Variants in TMTC4 observed in about 807,000 individuals in gnomAD.
TMTC4 encodes protein O-mannosyl-transferase TMTC4.
In TMTC4, 65 loss-of-function variants were observed where a neutral mutation model predicts 86.0. That is an observed-to-expected ratio of 0.76 (90% CI 0.62 to 0.93). The LOEUF (loss-of-function observed/expected upper bound fraction) is 0.93, where lower values mean the gene tolerates loss of function less well. Ranked by LOEUF, TMTC4 falls within the 40% of genes least tolerant of loss-of-function variation. TMTC4 has a pLI of 0.00. For missense variants in TMTC4, 866 were observed against 948.1 expected, an observed-to-expected ratio of 0.91 and a Z score of 1.14; for synonymous variants, 379 against 382.5, an observed-to-expected ratio of 0.99 and a Z score of 0.11.
intron 6 of TMTC4, among the ~76,000 whole-genome samples, chr13:100,652,308 G>A (rs1284327798): frequency 3.3e-5 from 5 of 152,014 alleles, no homozygotes; most frequent in South Asian, 4.2e-4. Flanking sequence ...GCGAAACCCC[G>A]TCTCTACTAA....
rs375255380 is a variant in TMTC4 at position 100,626,028 on chromosome 13, C to T, written c.1586+43G>A. 2.9e-4 allele frequency: 464 copies of T among 1,610,648 alleles called. 1 individual carries two copies. The highest frequency in any genetic ancestry group is 1.3e-3 in the Middle Eastern group (8 of 6,072). On this transcript the variant is annotated intron_variant, in intron 13 of 18. Transcript: ENST00000342624. ...GGTGTTTCATATTAGAAAGTGAAAA[C>T]GATCTGTGTACATAATTCTTCTGTA...
intron 18 of TMTC4, 131 bp downstream of exon 18, chr13:100,606,227 T>C: frequency 1.3e-6 from 1 of 788,332 alleles, no homozygotes; most frequent in Non-Finnish European, 2.1e-6. Flanking sequence ...TTTAATGCAA[T>C]AACAGAACCA....
At chr13:100,654,645 G>C (rs527701135) in intron 6 of TMTC4, among the ~76,000 whole-genome samples, 5 of 151,896 alleles carry the variant, frequency 3.3e-5, no homozygotes, top group South Asian at 2.1e-4. Flanking sequence ...AGAGTAAAAG[G>C]TTCCAGAAAA....
At chr13:100,643,145 T>C (rs1449267583) in intron 6 of TMTC4, among the ~76,000 whole-genome samples, 1 of 152,136 alleles carries the variant, frequency 6.6e-6, no homozygotes, top group Non-Finnish European at 1.5e-5. Flanking sequence ...AGAGGGAAGC[T>C]GCATGGATAC....
intron 6 of TMTC4, among the ~76,000 whole-genome samples, chr13:100,652,345 G>C (rs1328025684): frequency 6.6e-6 from 1 of 151,518 alleles, no homozygotes; most frequent in African/African-American, 2.4e-5. Flanking sequence ...TGGGCGTGGT[G>C]GTGGGTGACT....
At chr13:100,636,803 C>T in intron 9 of TMTC4, 69 bp from the exon 10 acceptor site, 1 of 1,537,060 alleles carries the variant, frequency 6.5e-7, no homozygotes, top group Non-Finnish European at 8.9e-7. Flanking sequence ...TACGCACTAA[C>T]TTCACTTTGG....
At chr13:100,642,083 T>A (rs1175294408) in intron 7 of TMTC4, 128 bp downstream of exon 7, 7 of 881,178 alleles carry the variant, frequency 7.9e-6, no homozygotes, top group Admixed American at 2.6e-5. Context: ...GAAAGGTCTA[T>A]CACCTCAGGC....
At chr13:100,606,769 C>T (rs1282384381) in intron 17 of TMTC4, among the ~76,000 whole-genome samples, 1 of 152,130 alleles carries the variant, frequency 6.6e-6, no homozygotes, top group Non-Finnish European at 1.5e-5. Flanking sequence ...AAGGCTGAGC[C>T]GTGGAGCATA....
intron 3 of TMTC4, among the ~76,000 whole-genome samples, chr13:100,666,402 G>C (rs1171266643): frequency 6.6e-6 from 1 of 152,176 alleles, no homozygotes; most frequent in African/African-American, 2.4e-5. Flanking sequence ...ACAGTGTGAT[G>C]CTCCCAAAAA....
rs189356652 is a variant in TMTC4 at position 100,609,653 on chromosome 13, A to T, written c.2064+2745T>A. Among the ~76,000 whole-genome samples, 171 of 149,114 alleles carry T rather than the reference A, an allele frequency of 1.1e-3. 1 individual carries two copies. The highest frequency in any genetic ancestry group is 8.7e-3 in the Admixed American group (128 of 14,684). On this transcript the variant is annotated intron_variant, in intron 17 of 18. Coordinates refer to ENST00000342624, the MANE Select transcript of TMTC4 (RefSeq NM_032813.5). ...ATGATCCCTAGAGATTCACTGAATGATTGAATGCTCACTAAATGTATATAT... is the reference window on the plus strand; with the variant it reads ...ATGATCCCTAGAGATTCACTGAATGTTTGAATGCTCACTAAATGTATATAT...
chr13:100,643,876 A>C lies in TMTC4; in HGVS notation c.641-1565T>G, dbSNP rs567006129. ...GTGGCTGATCAGCCACTGTGCCACA[A>C]AATGTGCCAGACAACTGGATAGTGT... On this transcript the variant is annotated intron_variant, in intron 6 of 18. Transcript: ENST00000342624. Among the ~76,000 whole-genome samples the C allele has an allele frequency of 3.6e-3, 550 of 152,292 alleles. 3 individuals are homozygous for C. The highest frequency in any genetic ancestry group is 0.013 in the African/African-American group (529 of 41,552).
rs1360284634 is a variant in TMTC4, at chr13:100,668,584, T to C, written c.214A>G (p.Asn72Asp). Residue 72 changes from asparagine (N) to aspartate (D), a missense_variant, in exon 3 of 19, where the codon AAT becomes GAT. Transcript: ENST00000342624. ...VFDDSEAIVN[N>D]KDLQAETPLG... ...AAAAGAGTTGAGATACAAACCTTATTGTTAACAATAGCTTCTGAGTCATCA... is the reference window on the plus strand; with the variant it reads ...AAAAGAGTTGAGATACAAACCTTATCGTTAACAATAGCTTCTGAGTCATCA... 1.2e-6 allele frequency: 2 copies of C among 1,614,120 alleles called. No homozygotes were observed. The highest frequency in any genetic ancestry group is 1.1e-5 in the South Asian group (1 of 91,068).
At chr13:100,609,904 G>A (rs1484383696) in intron 17 of TMTC4, among the ~76,000 whole-genome samples, 3 of 152,134 alleles carry the variant, frequency 2.0e-5, no homozygotes, top group Non-Finnish European at 4.4e-5. Flanking sequence ...GGTGCTTAGA[G>A]CCACGCAGAT....
intron 15 of TMTC4, chr13:100,623,917 C>T (rs1043748091): frequency 2.0e-6 from 1 of 493,236 alleles, no homozygotes; most frequent in East Asian, 6.4e-5. Flanking sequence ...AAATTAGGGT[C>T]TTCCTTGGTG....
At chr13:100,641,936 C>T (rs575299072) in intron 7 of TMTC4, among the ~76,000 whole-genome samples, 14 of 152,316 alleles carry the variant, frequency 9.2e-5, no homozygotes, top group Non-Finnish European at 1.5e-4. Context: ...TTCTACAGGG[C>T]CTCTCAAGAG....
chr13:100,658,004 C>T (rs909464574), intron 5 of TMTC4, among the ~76,000 whole-genome samples: 3 of 152,034 alleles, frequency 2.0e-5, no homozygotes, highest in Admixed American at 6.5e-5. Flanking sequence ...CAAACACTAC[C>T]GAGAAGGAAG....
chr13:100,657,773 T>A (rs1448579789), intron 5 of TMTC4, among the ~76,000 whole-genome samples: 1 of 152,220 alleles, frequency 6.6e-6, no homozygotes, highest in Admixed American at 6.5e-5. Context: ...GAAATTACTA[T>A]ATTTACATAT....
chr13:100,649,000 T>G (rs1181225568), intron 6 of TMTC4, among the ~76,000 whole-genome samples: 3 of 152,212 alleles, frequency 2.0e-5, no homozygotes, highest in Non-Finnish European at 4.4e-5. Context: ...CCACTCAATA[T>G]TTTATCCAGT....
At chr13:100,651,169 T>C (rs1208244442) in intron 6 of TMTC4, among the ~76,000 whole-genome samples, 1 of 152,204 alleles carries the variant, frequency 6.6e-6, no homozygotes, top group Admixed American at 6.5e-5. Flanking sequence ...CTTTTGGTCT[T>C]AACTCCCATG....
Sources: gnomAD v4.1 joint callset for allele counts (sites outside exome capture counted in the v4.1 genomes callset) on GRCh38, gnomAD v4.1.1 for gene constraint, MANE v1.5 for transcripts, NCBI Gene and HGNC (gene_info 2026-07-23, HGNC 2026-07-21) for gene names.